The following ZNF677 variants were observed in gnomAD, a reference collection of about 807,000 sequenced individuals.
The protein encoded by ZNF677 is zinc finger protein 677.
A neutral mutation model predicts 8.1 loss-of-function variants in ZNF677; 5 were observed. That is an observed-to-expected ratio of 0.62 (90% CI 0.32 to 1.29). ZNF677 has a LOEUF of 1.29. ZNF677 is among the 50% of genes most tolerant of loss of function. The probability of loss-of-function intolerance (pLI) is 0.05; values close to 1 mark genes in which losing one functional copy is unlikely to be tolerated. For synonymous variants in ZNF677, 221 were observed against 225.6 expected, an observed-to-expected ratio of 0.98 and a Z score of 0.18; for missense variants, 685 against 685.9, an observed-to-expected ratio of 1.00 and a Z score of 0.01.
intron 4 of ZNF677, chr19:53,242,092 C>T (rs1030249447): frequency 5.1e-6 from 2 of 394,618 alleles, no homozygotes; most frequent in African/African-American, 2.1e-5. Flanking sequence ...CCAACACACC[C>T]GGCTAATTTT....
intron 3 of ZNF677, chr19:53,249,199 C>G (rs1419738358): frequency 6.6e-6 from 1 of 151,982 alleles, no homozygotes; most frequent in African/African-American, 2.4e-5. Context: ...GTTCTTTGTC[C>G]ACCGTTTACT....
intron 4 of ZNF677, chr19:53,243,102 G>C (rs1243309159): frequency 6.6e-6 from 1 of 152,410 alleles, no homozygotes; most frequent in Non-Finnish European, 1.5e-5. Context: ...ATACTCAATG[G>C]AGTAGCTTAC....
At chr19:53,238,642 G>A (rs1478537018) in intron 4 of ZNF677, 85 bp from the exon 5 acceptor site, 3 of 1,288,940 alleles carry the variant, frequency 2.3e-6, no homozygotes, top group Non-Finnish European at 3.1e-6. Flanking sequence ...TTACAAGAAA[G>A]CTAAGATTTA....
rs969139863 is a variant in ZNF677, at chr19:53,235,704, T to C, written c.*1268A>G. 1 of 152,176 alleles carries C rather than the reference T, an allele frequency of 6.6e-6. No individual in the cohort carries two copies. The highest frequency in any genetic ancestry group is 1.5e-5 in the Non-Finnish European group (1 of 68,032). 9.4% of individuals were successfully genotyped at this position (152,176 alleles called of 1,614,324 possible). ...CGACCATTTCACTTCCATGAAAATCTCTCAATGTCCCACCCTACTCTTCTT... is the reference window on the plus strand; with the variant it reads ...CGACCATTTCACTTCCATGAAAATCCCTCAATGTCCCACCCTACTCTTCTT... On this transcript the variant is annotated 3_prime_UTR_variant, in exon 5 of 5. Coordinates refer to ENST00000598513, the MANE Select transcript of ZNF677 (RefSeq NM_182609.4).
At chr19:53,246,273 G>A (rs968597374) in intron 3 of ZNF677, among the ~76,000 whole-genome samples, 6 of 139,976 alleles carry the variant, frequency 4.3e-5, no homozygotes, top group South Asian at 4.7e-4. Flanking sequence ...AGCCAAGATC[G>A]CGCCACTGCA....
chr19:53,245,211 T>C (rs1004091667), intron 3 of ZNF677, among the ~76,000 whole-genome samples: 2 of 152,112 alleles, frequency 1.3e-5, no homozygotes, highest in Admixed American at 6.6e-5. Context: ...TTCTTGACAT[T>C]ATCTTGGCAA....
chr19:53,246,487 TACACACACACACAC>T lies in ZNF677; in HGVS notation c.16-2604_16-2591del, dbSNP rs60644090. 1.8e-3 allele frequency among the ~76,000 whole-genome samples: 251 copies of T among 140,356 alleles called. 1 individual carries two copies. Among genetic ancestry groups the T allele is most frequent in the African/African-American group, 5.9e-3 (221 of 37,762 alleles). The allele number at this position is 140,356 out of a possible 152,430, so 92.1% of individuals were successfully genotyped here. A position where few individuals can be genotyped will look rare whatever the true frequency, so the allele number is the denominator to read the frequency against. On this transcript the variant is annotated intron_variant, in intron 3 of 4. Coordinates refer to ENST00000598513, the MANE Select transcript of ZNF677 (RefSeq NM_182609.4). ...AAGGAATGACTGAATAAAGAAAATG[TACACACACACACAC>T]ACACACACACACACACACACACACA...
rs144912231 is a variant in ZNF677 at position 53,236,385 on chromosome 19, T to G, written c.*587A>C. 1 of 152,298 alleles carries G rather than the reference T, an allele frequency of 6.6e-6. No homozygotes were observed. Among genetic ancestry groups the G allele is most frequent in the African/African-American group, 2.4e-5 (1 of 41,580 alleles). The allele number at this position is 152,298 out of a possible 1,614,324, so 9.4% of individuals were successfully genotyped here. ...CATACTTTTAAAAATATGAAATAAC[T>G]GAATAAAAAATTTTTAACACTGAAG... is the stretch of plus-strand genomic sequence containing the variant. On this transcript the variant is annotated 3_prime_UTR_variant, in exon 5 of 5. Coordinates refer to ENST00000598513, the MANE Select transcript of ZNF677 (RefSeq NM_182609.4).
At chr19:53,247,437 A>G (rs554548202) in intron 3 of ZNF677, among the ~76,000 whole-genome samples, 1 of 152,288 alleles carries the variant, frequency 6.6e-6, no homozygotes, top group African/African-American at 2.4e-5. Flanking sequence ...AAGTTTAAAA[A>G]TTTGTGTTGT....
intron 1 of ZNF677, 99 bp downstream of exon 1, chr19:53,254,735 G>A (rs2146980309): frequency 6.5e-6 from 1 of 152,774 alleles, no homozygotes; most frequent in Admixed American, 6.5e-5. Flanking sequence ...GAGCAGGTTC[G>A]GGGTTTTAAC....
chr19:53,236,962 G>GC lies in ZNF677; in HGVS notation c.*9dup. ...TTATATGGTTTCTTTTCACAATGGA[G>GC]CCCCTGATGCTAGGTACAGCTTGAA... On this transcript the variant is annotated 3_prime_UTR_variant, in exon 5 of 5. Transcript: ENST00000598513. 6.6e-7 allele frequency: 1 copy of GC among 1,525,806 alleles called. No individual in the cohort carries two copies. The highest frequency in any genetic ancestry group is 8.7e-7 in the Non-Finnish European group (1 of 1,144,134). The allele number at this position is 1,525,806 out of a possible 1,614,324, so 94.5% of individuals were successfully genotyped here.
At chr19:53,250,408 C>T (rs376357653) in intron 3 of ZNF677, among the ~76,000 whole-genome samples, 11 of 152,048 alleles carry the variant, frequency 7.2e-5, no homozygotes, top group African/African-American at 2.4e-4. Flanking sequence ...GTCACAATAG[C>T]GAAGACATGG....
chr19:53,242,785 A>G (rs951813570), intron 4 of ZNF677: 1 of 180,022 alleles, frequency 5.6e-6, no homozygotes, highest in Non-Finnish European at 1.2e-5. Flanking sequence ...ACTGAAAACC[A>G]CACATCAGAT....
intron 4 of ZNF677, chr19:53,240,993 GAA>G (rs2091041335): frequency 6.6e-6 from 1 of 152,074 alleles, no homozygotes; most frequent in Admixed American, 6.6e-5. Context: ...CTAAAAAATA[GAA>G]AGTCTATTTT....
At chr19:53,243,618 C>G (rs1410874561) in intron 4 of ZNF677, 126 bp downstream of exon 4, 7 of 1,271,662 alleles carry the variant, frequency 5.5e-6, no homozygotes, top group Non-Finnish European at 7.8e-6. Context: ...CATTATGAAG[C>G]CTTTCCACTC....
intron 4 of ZNF677, 78 bp downstream of exon 4, chr19:53,243,666 G>T (rs1287005699): frequency 3.2e-6 from 5 of 1,585,332 alleles, no homozygotes; most frequent in Non-Finnish European, 4.3e-6. Context: ...TTAGAACAGG[G>T]ATCGGATTCA....
At chr19:53,244,338 G>A (rs2091103051) in intron 3 of ZNF677, among the ~76,000 whole-genome samples, 1 of 152,202 alleles carries the variant, frequency 6.6e-6, no homozygotes, top group Non-Finnish European at 1.5e-5. Context: ...ACCCCAGTCA[G>A]GGAGACAGAG....
At chr19:53,246,889 TA>T (rs1290404411) in intron 3 of ZNF677, among the ~76,000 whole-genome samples, 2 of 152,084 alleles carry the variant, frequency 1.3e-5, no homozygotes, top group Non-Finnish European at 2.9e-5. Flanking sequence ...AAATATGAAA[TA>T]ATAAAGACAG....
chr19:53,241,065 C>T (rs1599916917), intron 4 of ZNF677: 1 of 151,958 alleles, frequency 6.6e-6, no homozygotes, highest in African/African-American at 2.4e-5. Flanking sequence ...AAAGGAATAA[C>T]TAATACTATC....
Sources: gnomAD v4.1 joint callset for allele counts (sites outside exome capture counted in the v4.1 genomes callset) on GRCh38, gnomAD v4.1.1 for gene constraint, MANE v1.5 for transcripts, NCBI Gene and HGNC (gene_info 2026-07-23, HGNC 2026-07-21) for gene names.